CAMKMT: variants seen among roughly 807,000 people sequenced by gnomAD.
CAMKMT encodes calmodulin-lysine N-methyltransferase, also known as CaM KMT.
Under a neutral mutation model 48.0 loss-of-function variants are expected in CAMKMT, and 53 were observed. The observed-to-expected ratio is 1.10, with a 90% CI of 0.89 to 1.39. The LOEUF (loss-of-function observed/expected upper bound fraction) is 1.39, where lower values mean the gene tolerates loss of function less well. Among genes scored for constraint, CAMKMT ranks in the 40% most tolerant of loss-of-function variants. The pLI, the probability that CAMKMT is intolerant of heterozygous loss-of-function variation, is 0.00. For synonymous variants in CAMKMT, 165 were observed against 152.3 expected, an observed-to-expected ratio of 1.08 and a Z score of -0.61; for missense variants, 428 against 402.7, an observed-to-expected ratio of 1.06 and a Z score of -0.54.
Position 44,618,647 on chromosome 2 carries a change from A to G in CAMKMT, c.377-85636A>G, listed in dbSNP as rs951895237. On this transcript the variant is annotated intron_variant, in intron 3 of 10. Coordinates refer to ENST00000378494, the MANE Select transcript of CAMKMT (RefSeq NM_024766.5). The surrounding 1 kb of genome is among the most constrained non-coding windows in gnomAD (Gnocchi z 4.0). Reference sequence around the variant, plus strand: ...GTCAGGAGCAAGTTGATGACTTAATAGTCTTTCTTGAGTGGATTTGAGCAC... The same window carrying G: ...GTCAGGAGCAAGTTGATGACTTAATGGTCTTTCTTGAGTGGATTTGAGCAC... 2.0e-5 allele frequency among the ~76,000 whole-genome samples: 3 copies of G among 152,150 alleles called. No homozygotes were observed. The highest frequency in any genetic ancestry group is 4.4e-5 in the Non-Finnish European group (3 of 68,038).
intron 2 of CAMKMT, among the ~76,000 whole-genome samples, chr2:44,383,011 G>A (rs1306981770): frequency 1.3e-5 from 2 of 152,102 alleles, no homozygotes; most frequent in Admixed American, 6.6e-5. Context: ...GTGTTGGCAG[G>A]TTTGGTTTCT....
chr2:44,713,127 A>C (rs1263135207), intron 6 of CAMKMT, among the ~76,000 whole-genome samples: 1 of 152,146 alleles, frequency 6.6e-6, no homozygotes, highest in East Asian at 1.9e-4. Flanking sequence ...CAGCCTGACC[A>C]CCTGGAGTCA....
intron 3 of CAMKMT, among the ~76,000 whole-genome samples, chr2:44,450,492 G>C (rs1023642785): frequency 5.9e-5 from 9 of 152,018 alleles, no homozygotes; most frequent in Non-Finnish European, 7.4e-5. Flanking sequence ...CCTTAAAAGG[G>C]GTTATGAAGC....
At chr2:44,572,549 G>A (rs1027378316) in intron 3 of CAMKMT, among the ~76,000 whole-genome samples, 1 of 152,188 alleles carries the variant, frequency 6.6e-6, no homozygotes, top group Non-Finnish European at 1.5e-5. Flanking sequence ...GGACATTTAG[G>A]TTATTTCCGT....
chr2:44,474,980 G>C (rs1376179014), intron 3 of CAMKMT, among the ~76,000 whole-genome samples: 2 of 152,184 alleles, frequency 1.3e-5, no homozygotes, highest in African/African-American at 4.8e-5. Flanking sequence ...GAAAAGACCT[G>C]AGACATAGTG....
chr2:44,583,220 A>G (rs186015641), intron 3 of CAMKMT, among the ~76,000 whole-genome samples: 1 of 152,288 alleles, frequency 6.6e-6, no homozygotes, highest in Non-Finnish European at 1.5e-5. Context: ...TTGGATGCCT[A>G]CTAGCTATGA....
chr2:44,768,360 TA>T (rs1479854381), intron 10 of CAMKMT, among the ~76,000 whole-genome samples: 1,543 of 83,986 alleles, frequency 0.018, 26 homozygotes, highest in African/African-American at 0.063. Flanking sequence ...TATATATATA[TA>T]TTTTTTTTTT....
intron 3 of CAMKMT, among the ~76,000 whole-genome samples, chr2:44,462,965 C>T (rs1417483003): frequency 5.9e-5 from 9 of 152,098 alleles, no homozygotes; most frequent in East Asian, 1.9e-4. Flanking sequence ...ATACATTGAT[C>T]GTTAAATCTA....
chr2:44,619,474 T>G (rs1027479088), intron 3 of CAMKMT, among the ~76,000 whole-genome samples: 1 of 152,000 alleles, frequency 6.6e-6, no homozygotes, highest in Admixed American at 6.6e-5. Context: ...TATATATATA[T>G]ATATATGCAT....
At chr2:44,393,239 T>C (rs919210425) in intron 3 of CAMKMT, 1 of 152,216 alleles carries the variant, frequency 6.6e-6, no homozygotes, top group Admixed American at 6.5e-5. Context: ...AGATAACTTA[T>C]TTACTATTAG....
intron 3 of CAMKMT, among the ~76,000 whole-genome samples, chr2:44,523,135 A>G (rs192240807): frequency 1.3e-5 from 2 of 152,244 alleles, no homozygotes; most frequent in Admixed American, 6.5e-5. Flanking sequence ...GCTTTGCTGC[A>G]TTAAAAAAAA....
intron 3 of CAMKMT, among the ~76,000 whole-genome samples, chr2:44,409,439 C>T (rs1683040761): frequency 6.6e-6 from 1 of 151,950 alleles, no homozygotes. Context: ...TTTTTATCTC[C>T]TCTTGAAATT....
At chr2:44,742,011 T>C (rs72870552) in intron 7 of CAMKMT, among the ~76,000 whole-genome samples, 3,231 of 152,302 alleles carry the variant, frequency 0.021, 103 homozygotes, top group African/African-American at 0.072. Context: ...GATAGATACA[T>C]TACTTTTCTG....
At chr2:44,736,611 C>G (rs1359407347) in intron 7 of CAMKMT, among the ~76,000 whole-genome samples, 2 of 152,124 alleles carry the variant, frequency 1.3e-5, no homozygotes, top group Non-Finnish European at 2.9e-5. Context: ...TCTGTTGTCT[C>G]CCTTCTCCTA....
At chr2:44,761,007 G>A (rs1680594789) in intron 9 of CAMKMT, among the ~76,000 whole-genome samples, 1 of 152,194 alleles carries the variant, frequency 6.6e-6, no homozygotes, top group Non-Finnish European at 1.5e-5. Flanking sequence ...ACTCTACACT[G>A]GAGGGGCTTA....
chr2:44,770,874 AATGAAGTCAC>A (rs1681077325), intron 10 of CAMKMT, among the ~76,000 whole-genome samples: 1 of 152,254 alleles, frequency 6.6e-6, no homozygotes, highest in Admixed American at 6.5e-5. Flanking sequence ...AAGAAAACAG[AATGAAGTCAC>A]CTCAGTGACT....
At chr2:44,392,929 CTATT>C (rs1681487571) in intron 3 of CAMKMT, among the ~76,000 whole-genome samples, 1 of 151,910 alleles carries the variant, frequency 6.6e-6, no homozygotes, top group Admixed American at 6.6e-5. Flanking sequence ...ATGGAATTAT[CTATT>C]TATTTTAAGA....
chr2:44,451,354 C>T (rs1477019992), intron 3 of CAMKMT, among the ~76,000 whole-genome samples: 1 of 151,802 alleles, frequency 6.6e-6, no homozygotes, highest in Non-Finnish European at 1.5e-5. Flanking sequence ...AAATCGTTAC[C>T]CTAATCCTTT....
At chr2:44,438,687 GTTTTTTGT>G (rs1457243015) in intron 3 of CAMKMT, among the ~76,000 whole-genome samples, 2 of 152,042 alleles carry the variant, frequency 1.3e-5, no homozygotes, top group African/African-American at 4.8e-5. Context: ...TCAGGTGTGT[GTTTTTTGT>G]TTGTTTGTTT....
Sources: gnomAD v4.1 joint callset for allele counts (sites outside exome capture counted in the v4.1 genomes callset) on GRCh38, gnomAD v4.1.1 for gene constraint, Gnocchi (gnomAD v3.1) non-coding constraint, MANE v1.5 for transcripts, NCBI Gene and HGNC (gene_info 2026-07-23, HGNC 2026-07-21) for gene names.